Variants in CENPC observed in about 807,000 individuals in gnomAD.
CENPC encodes CENP-C 1.
Under a neutral mutation model 112.1 loss-of-function variants are expected in CENPC, and 63 were observed. That is an observed-to-expected ratio of 0.56 (90% CI 0.46 to 0.69). CENPC has a LOEUF of 0.69. CENPC is among the 30% of genes least tolerant of loss of function. The pLI is 0.00. For missense variants in CENPC, 1,000 were observed against 1,103.8 expected (o/e 0.91, Z 1.33); for synonymous variants, 333 against 367.6 (o/e 0.91, Z 1.08).
chr4:67,494,820 G>A (rs901268848), intron 13 of CENPC, among the ~76,000 whole-genome samples: 1 of 152,178 alleles, frequency 6.6e-6, no homozygotes, highest in African/African-American at 2.4e-5. Flanking sequence ...GGATTAAAGT[G>A]GAAGGAGATG....
chr4:67,505,265 T>C lies in CENPC; in HGVS notation c.2071A>G (p.Asn691Asp). The change falls in exon 12 of 19, where the codon AAT becomes GAT. Residue 691 changes from asparagine to aspartate, a missense_variant. By Grantham distance (23) the Asn-to-Asp change is conservative (BLOSUM62 1). Transcript: ENST00000273853. ...LEESGPSRLN[N>D]NYLMSGKNDV... ...TTCTTTCCAGACATTAAATAATTAT[T>C]ATTGAGCCTGGAAGGTCCACTTAAG... 6.4e-7 allele frequency: 1 copy of C among 1,573,650 alleles called. No homozygotes were observed. The highest frequency in any genetic ancestry group is 8.6e-7 in the Non-Finnish European group (1 of 1,159,804).
rs1422828543 is a variant in CENPC at position 67,492,270 on chromosome 4, T to G, written c.2425A>C (p.Asn809His). Residue 809 changes from asparagine to histidine, a missense_variant, in exon 16 of 19, where the codon AAC becomes CAC. By Grantham distance (68) the Asn-to-His change is moderately conservative. Transcript: ENST00000273853. ...GGTATACCTAGATTTACCATTAAGT[T>G]AGTCTCTGCAAAAGAAATACCATTG... ...ICLDNDERKT[N>H]LMVNLGIPLG... 3 of 1,551,270 alleles carry G rather than the reference T, an allele frequency of 1.9e-6. No individual in the cohort carries two copies. Among genetic ancestry groups the G allele is most frequent in the Non-Finnish European group, 2.6e-6 (3 of 1,143,886 alleles).
chr4:67,529,766 G>T (rs1362196718), intron 5 of CENPC, among the ~76,000 whole-genome samples: 1 of 152,048 alleles, frequency 6.6e-6, no homozygotes, highest in African/African-American at 2.4e-5. Flanking sequence ...ATTTGGAATT[G>T]GATAAAACTA....
At chr4:67,509,323 T>C (rs536632008) in intron 9 of CENPC, among the ~76,000 whole-genome samples, 1 of 152,046 alleles carries the variant, frequency 6.6e-6, no homozygotes, top group African/African-American at 2.4e-5. Context: ...TATAGATATA[T>C]GAAACAGGCC....
At chr4:67,535,226 G>A (rs547511950) in intron 4 of CENPC, among the ~76,000 whole-genome samples, 1 of 151,966 alleles carries the variant, frequency 6.6e-6, no homozygotes, top group South Asian at 2.1e-4. Context: ...CCATCATGAA[G>A]GTAAAACCAT....
Position 67,470,282 on chromosome 4 carries a change from AC to A in CENPC, c.*2322del, listed in dbSNP as rs1724619903. On this transcript the variant is annotated 3_prime_UTR_variant, in exon 19 of 19. Coordinates refer to ENST00000273853, the MANE Select transcript of CENPC (RefSeq NM_001812.4). ...CTTTCAGTTTAGACAAAGAAAGGCT[AC>A]ACTTAAGCTGGGCACAGTGGCTCAC... 6.6e-6 allele frequency: 1 copy of A among 152,234 alleles called. No individual in the cohort carries two copies. Among genetic ancestry groups the A allele is most frequent in the South Asian group, 2.1e-4 (1 of 4,828 alleles). The allele number at this position is 152,234 out of a possible 1,614,324, so 9.4% of individuals were successfully genotyped here.
intron 4 of CENPC, among the ~76,000 whole-genome samples, chr4:67,538,622 G>A (rs1472348600): frequency 6.6e-6 from 1 of 152,168 alleles, no homozygotes; most frequent in Non-Finnish European, 1.5e-5. Context: ...TACTGGACAG[G>A]AGACGGTTAC....
chr4:67,529,217 T>C (rs946370626), intron 5 of CENPC, among the ~76,000 whole-genome samples: 24 of 152,222 alleles, frequency 1.6e-4, no homozygotes, highest in Admixed American at 1.3e-4. Flanking sequence ...TCTTTATATA[T>C]TCTGATTATA....
chr4:67,541,537 A>G (rs1184271240), intron 2 of CENPC, among the ~76,000 whole-genome samples: 1 of 152,210 alleles, frequency 6.6e-6, no homozygotes, highest in African/African-American at 2.4e-5. Flanking sequence ...ACAGCCAGCT[A>G]TACAACATAA....
intron 18 of CENPC, 143 bp from the exon 19 acceptor site, chr4:67,472,818 C>A (rs1724703137): frequency 9.0e-6 from 9 of 994,666 alleles, no homozygotes; most frequent in African/African-American, 1.7e-5. Flanking sequence ...TTATTTAATT[C>A]CATGAACTAC....
At chr4:67,518,597 C>G (rs1352737765) in intron 6 of CENPC, among the ~76,000 whole-genome samples, 1 of 152,086 alleles carries the variant, frequency 6.6e-6, no homozygotes, top group Admixed American at 6.6e-5. Context: ...AAAATAATGG[C>G]TAAAGTATAC....
intron 5 of CENPC, among the ~76,000 whole-genome samples, chr4:67,525,184 C>A (rs1726339958): frequency 6.6e-6 from 1 of 152,040 alleles, no homozygotes; most frequent in South Asian, 2.1e-4. Flanking sequence ...ACTCAAGATG[C>A]ATTAAAGACT....
intron 7 of CENPC, 80 bp downstream of exon 7, chr4:67,518,076 A>C (rs1726110068): frequency 5.5e-6 from 4 of 728,074 alleles, no homozygotes; most frequent in South Asian, 3.4e-5. Context: ...TTCTAAGTTA[A>C]ATAGCATTAG....
At chr4:67,537,042 A>G (rs1377179218) in intron 4 of CENPC, among the ~76,000 whole-genome samples, 1 of 151,222 alleles carries the variant, frequency 6.6e-6, no homozygotes, top group Non-Finnish European at 1.5e-5. Context: ...AAAAAAAAAA[A>G]AAAGATAAGG....
At position 67,472,047 on chromosome 4, in the gene CENPC, GA is replaced by G. The variant is rs1340060215; in HGVS notation, c.*557del. 1 of 152,150 alleles carries G rather than the reference GA, an allele frequency of 6.6e-6. No homozygotes were observed. The highest frequency in any genetic ancestry group is 1.5e-5 in the Non-Finnish European group (1 of 68,020). 9.4% of individuals were successfully genotyped at this position (152,150 alleles called of 1,614,324 possible). A position where few individuals can be genotyped will look rare whatever the true frequency, so the allele number is the denominator to read the frequency against. On this transcript the variant is annotated 3_prime_UTR_variant, in exon 19 of 19. Transcript: ENST00000273853. ...TTGCCAGTAAACCACCAGAAGTTAGGAATAAGGAAGGATTCTCTCCCTTACA... is the reference window on the plus strand; with the variant it reads ...TTGCCAGTAAACCACCAGAAGTTAGGATAAGGAAGGATTCTCTCCCTTACA...
intron 4 of CENPC, among the ~76,000 whole-genome samples, chr4:67,534,288 C>T (rs894915911): frequency 6.6e-6 from 1 of 151,892 alleles, no homozygotes; most frequent in African/African-American, 2.4e-5. Context: ...TGGTGGCAGG[C>T]ACCTGTAGTC....
At chr4:67,479,305 T>TA (rs1217447811) in intron 17 of CENPC, among the ~76,000 whole-genome samples, 2 of 152,212 alleles carry the variant, frequency 1.3e-5, no homozygotes, top group African/African-American at 4.8e-5. Flanking sequence ...TTTTCCAAGA[T>TA]AGACTGTATG....
intron 18 of CENPC, among the ~76,000 whole-genome samples, chr4:67,473,315 C>T (rs185182180): frequency 7.9e-5 from 12 of 152,146 alleles, no homozygotes; most frequent in Non-Finnish European, 1.5e-4. Context: ...ACAGATGGAC[C>T]GCAAGTATCA....
In CENPC at chr4:67,544,204, A is replaced by C. The variant is rs1726964326; in HGVS notation, c.19-9T>G. 6.6e-7 allele frequency: 1 copy of C among 1,518,000 alleles called. No homozygotes were observed. The highest frequency in any genetic ancestry group is 1.4e-5 in the African/African-American group (1 of 72,866). 94.0% of individuals were successfully genotyped at this position (1,518,000 alleles called of 1,614,324 possible). ...CCATTTTTGAGATGATCCTGAAAGAAAAGTAAATCATCAATTTGGTTTCTT... is the reference window on the plus strand; with the variant it reads ...CCATTTTTGAGATGATCCTGAAAGACAAGTAAATCATCAATTTGGTTTCTT... On this transcript the variant is annotated splice_polypyrimidine_tract_variant and intron_variant, in intron 1 of 18. Transcript: ENST00000273853.
Sources: gnomAD v4.1 joint callset for allele counts (sites outside exome capture counted in the v4.1 genomes callset) on GRCh38, gnomAD v4.1.1 for gene constraint, MANE v1.5 for transcripts, NCBI Gene and HGNC (gene_info 2026-07-23, HGNC 2026-07-21) for gene names.